The following KRT24 variants were observed in gnomAD, a reference collection of about 807,000 sequenced individuals.
KRT24 encodes the protein keratin 24.
In KRT24, 44 loss-of-function variants were observed where a neutral mutation model predicts 51.7. The ratio of observed to expected loss-of-function variants is 0.85; its 90% confidence interval spans 0.67 to 1.09. The LOEUF is 1.09. KRT24 is among the 50% of genes least tolerant of loss of function. The pLI is 0.00. For missense variants in KRT24, 633 were observed against 647.0 expected, an observed-to-expected ratio of 0.98 and a Z score of 0.24; for synonymous variants, 241 against 249.5, an observed-to-expected ratio of 0.97 and a Z score of 0.32.
Position 40,700,272 on chromosome 17 carries a change from C to T in KRT24, c.967G>A (p.Glu323Lys), listed in dbSNP as rs1335613968. ...TCTCGGCGGTTTTGCTCAGCCAGCTCCTCGTACTGCGCCCTCATGTCATTC... is the reference window on the plus strand; with the variant it reads ...TCTCGGCGGTTTTGCTCAGCCAGCTTCTCGTACTGCGCCCTCATGTCATTC... ...LLNDMRAQYEELAEQNRREAE... is the reference protein window; with the variant it reads ...LLNDMRAQYEKLAEQNRREAE... The change falls in exon 4 of 8, where the codon GAG (glutamate) becomes AAG (lysine). Residue 323 changes from glutamate to lysine, a missense_variant. Transcript: ENST00000264651. 1.9e-6 allele frequency: 3 copies of T among 1,614,140 alleles called. No homozygotes were observed. The highest frequency in any genetic ancestry group is 2.2e-5 in the East Asian group (1 of 44,884).
At chr17:40,701,355 G>C in intron 2 of KRT24, 59 bp from the exon 3 acceptor site, 1 of 1,450,330 alleles carries the variant, frequency 6.9e-7, no homozygotes. Flanking sequence ...GTGTTTCAAA[G>C]GGTACCTTCC....
chr17:40,703,045 C>A, intron 1 of KRT24, 34 bp downstream of exon 1: 1 of 1,528,450 alleles, frequency 6.5e-7, no homozygotes, highest in Non-Finnish European at 8.8e-7. Context: ...GAAAGATCCA[C>A]AAATAATAGA....
intron 2 of KRT24, 128 bp downstream of exon 2, chr17:40,701,723 G>GTGTATATATA (rs2037679716): frequency 2.6e-5 from 1 of 38,126 alleles, no homozygotes; most frequent in Non-Finnish European, 6.4e-5. Context: ...TGATCCTCTA[G>GTGTATATATA]TATATATATA....
At position 40,699,538 on chromosome 17, in the gene KRT24, A is replaced by G. The variant is rs1030734855; in HGVS notation, c.1267T>C (p.Cys423Arg). The G allele has an allele frequency of 4.3e-6, 7 of 1,613,878 alleles. No individual in the cohort carries two copies. Among genetic ancestry groups the G allele is most frequent in the Admixed American group, 1.7e-5 (1 of 60,004 alleles). ...EICQIWGETK[C>R]QNAEYKQLLD... is the part of the protein sequence containing the mutation. The stretch of plus-strand genomic sequence containing the variant: ...AATTGCTTGTACTCTGCGTTCTGGC[A>G]TTTAGTCTCACCCCAGATCTGGCAG... Residue 423 changes from cysteine to arginine, a missense_variant, in exon 6 of 8, where the codon TGC (cysteine) becomes CGC (arginine). Cys to Arg is a radical substitution (Grantham distance 180). Coordinates refer to ENST00000264651, the MANE Select transcript of KRT24 (RefSeq NM_019016.3).
In KRT24 at chr17:40,703,586, C is replaced by A. The variant is rs1440055757; in HGVS notation, c.108G>T (p.Gly36=). 2.5e-6 allele frequency: 4 copies of A among 1,613,156 alleles called. No individual in the cohort carries two copies. The Admixed American group carries it at 5.0e-5, about 20-fold the overall frequency. The change falls in exon 1 of 8, where the codon GGG becomes GGT. Residue 36 remains glycine (G), a synonymous_variant. Transcript: ENST00000264651. ...SFSSGSRCGL[G]GSSAQGFRGG... ...CTCGGAAGCCCTGGGCCGAGCTGCCCCCCAGACCACATCTGCTTCCACTGC... is the reference window on the plus strand; with the variant it reads ...CTCGGAAGCCCTGGGCCGAGCTGCCACCCAGACCACATCTGCTTCCACTGC...
At chr17:40,701,529 C>T (rs751218461) in intron 2 of KRT24, among the ~76,000 whole-genome samples, 19 of 151,326 alleles carry the variant, frequency 1.3e-4, no homozygotes, top group Non-Finnish European at 2.5e-4. Flanking sequence ...CTAAATTTGC[C>T]TCTTTCTTTT....
chr17:40,700,133 A>G lies in KRT24; in HGVS notation c.1018-10T>C. The G allele has an allele frequency of 6.2e-7, 1 of 1,614,150 alleles. No homozygotes were observed. The highest frequency in any genetic ancestry group is 8.5e-7 in the Non-Finnish European group (1 of 1,180,022). On this transcript the variant is annotated splice_polypyrimidine_tract_variant and intron_variant, in intron 4 of 7. Transcript: ENST00000264651. ...CTTGTAGTGATGCGCTCTAAATACAAACATAATGCAGCTGTTGTAGGCTGA... is the reference window on the plus strand; with the variant it reads ...CTTGTAGTGATGCGCTCTAAATACAGACATAATGCAGCTGTTGTAGGCTGA...
intron 7 of KRT24, 58 bp downstream of exon 7, chr17:40,698,480 C>T: frequency 8.4e-7 from 1 of 1,196,514 alleles, no homozygotes; most frequent in Non-Finnish European, 1.2e-6. Context: ...GTATGACAAG[C>T]AAAGTATGTC....
chr17:40,700,388 C>T lies in KRT24; in HGVS notation c.856-5G>A. The T allele has an allele frequency of 1.9e-6, 3 of 1,599,484 alleles. No homozygotes were observed. Among genetic ancestry groups the T allele is most frequent in the Non-Finnish European group, 2.6e-6 (3 of 1,172,286 alleles). On this transcript the variant is annotated splice_polypyrimidine_tract_variant and splice_region_variant and intron_variant, in intron 3 of 7. Coordinates refer to ENST00000264651, the MANE Select transcript of KRT24 (RefSeq NM_019016.3). ...TCCTTGCATATTCTTCATTTCCTAG[C>T]ATGAAGGAAAAAAGACTATCGTGAT...
intron 2 of KRT24, 70 bp downstream of exon 2, chr17:40,701,781 T>TATATATA (rs2037685525): frequency 6.9e-6 from 1 of 145,718 alleles, no homozygotes; most frequent in South Asian, 2.0e-4. Flanking sequence ...ATATATATAT[T>TATATATA]TATTTATAAA....
Position 40,703,256 on chromosome 17 carries a change from GTTCTGCATGGTTTGCTT to G in KRT24, c.421_437del (p.Lys141ProfsTer3). 2 of 1,614,054 alleles carry G rather than the reference GTTCTGCATGGTTTGCTT, an allele frequency of 1.2e-6. No homozygotes were observed. The highest frequency in any genetic ancestry group is 1.7e-6 in the Non-Finnish European group (2 of 1,179,990). On this transcript the variant is annotated frameshift_variant, in exon 1 of 8. Coordinates refer to ENST00000264651, the MANE Select transcript of KRT24 (RefSeq NM_019016.3). LOFTEE classifies it high-confidence loss of function. ...GGTAATTGGCCAAGCGGTCATTGAG[GTTCTGCATGGTTTGCTT>G]TTCCCCTCCAGAGAAAAGCCCCCCA...
At position 40,701,158 on chromosome 17, in the gene KRT24, C is replaced by T. The variant is rs988794015; in HGVS notation, c.837G>A (p.Leu279=). ...TTCCTACCTCCTCGTGGTTCTTCCT[C>T]AGGTAGGCTAGCTCCTCGGTGAAAC... ...IESFTEELAY[L]RKNHEEEMKN... is the part of the protein sequence containing the mutation. Residue 279 remains leucine, a synonymous_variant, in exon 3 of 8, where the codon CTG becomes CTA. Coordinates refer to ENST00000264651, the MANE Select transcript of KRT24 (RefSeq NM_019016.3). The T allele has an allele frequency of 3.1e-6, 5 of 1,613,858 alleles. No homozygotes were observed. The highest frequency in any genetic ancestry group is 3.4e-6 in the Non-Finnish European group (4 of 1,179,954).
chr17:40,703,547 G>A lies in KRT24; in HGVS notation c.147C>T (p.Ser49=). The A allele has an allele frequency of 6.3e-7, 1 of 1,596,840 alleles. No homozygotes were observed. Among genetic ancestry groups the A allele is most frequent in the Non-Finnish European group, 8.5e-7 (1 of 1,177,856 alleles). Residue 49 remains serine, a synonymous_variant, in exon 1 of 8, where the codon AGC becomes AGT. Coordinates refer to ENST00000264651, the MANE Select transcript of KRT24 (RefSeq NM_019016.3). ...CGCTAGACCCCCCACTCAGGCTGCA[G>A]CTGCTGGCTCCTCCTCGGAAGCCCT... ...SAQGFRGGAS[S]CSLSGGSSGA...
intron 1 of KRT24, 109 bp downstream of exon 1, chr17:40,702,970 C>G: frequency 3.3e-6 from 4 of 1,194,902 alleles, no homozygotes. Context: ...GCATATGTAA[C>G]AAGCAAATAT....
rs769713317 is a variant in KRT24 at position 40,703,534 on chromosome 17, C to T, written c.160G>A (p.Gly54Arg). 1.9e-6 allele frequency: 3 copies of T among 1,603,348 alleles called. No homozygotes were observed. Among genetic ancestry groups the T allele is most frequent in the African/African-American group, 1.4e-5 (1 of 72,458 alleles). ...RGGASSCSLS[G>R]GSSGAFGGSF... is the part of the protein sequence containing the mutation. ...CCCCCAAAAGCACCGCTAGACCCCC[C>T]ACTCAGGCTGCAGCTGCTGGCTCCT... Residue 54 changes from glycine to arginine, a missense_variant, in exon 1 of 8, where the codon GGG becomes AGG. Physicochemically the swap from Gly to Arg is moderately radical, Grantham distance 125. Coordinates refer to ENST00000264651, the MANE Select transcript of KRT24 (RefSeq NM_019016.3).
rs2037673195 is a variant in KRT24 at position 40,701,217 on chromosome 17, TAGTC to T, written c.774_777del (p.Thr259Ter). 1 of 1,614,084 alleles carries T rather than the reference TAGTC, an allele frequency of 6.2e-7. No individual in the cohort carries two copies. The highest frequency in any genetic ancestry group is 1.3e-5 in the African/African-American group (1 of 75,032). On this transcript the variant is annotated frameshift_variant, in exon 3 of 8. Coordinates refer to ENST00000264651, the MANE Select transcript of KRT24 (RefSeq NM_019016.3). LOFTEE classifies it high-confidence loss of function. ...TGCATCTCCAGGTCAGAGCGGGTCATAGTCAGGTCATCCAGGACTTTCCGCAGGC... is the reference window on the plus strand; with the variant it reads ...TGCATCTCCAGGTCAGAGCGGGTCATAGGTCATCCAGGACTTTCCGCAGGC...
intron 2 of KRT24, 82 bp downstream of exon 2, chr17:40,701,769 A>ATT (rs1567863114): frequency 2.5e-5 from 1 of 39,438 alleles, no homozygotes; most frequent in Non-Finnish European, 4.6e-5. Context: ...ATATATATAT[A>ATT]TATATATATA....
In KRT24 at chr17:40,703,437, C is replaced by T; in HGVS notation, c.257G>A (p.Gly86Glu). 1 of 1,599,432 alleles carries T rather than the reference C, an allele frequency of 6.3e-7. No homozygotes were observed. The highest frequency in any genetic ancestry group is 8.6e-7 in the Non-Finnish European group (1 of 1,167,382). The change falls in exon 1 of 8, where the codon GGA (glycine) becomes GAA (glutamate). Residue 86 changes from glycine to glutamate, a missense_variant. By Grantham distance (98) the Gly-to-Glu change is moderately conservative (BLOSUM62 -2). Coordinates refer to ENST00000264651, the MANE Select transcript of KRT24 (RefSeq NM_019016.3). ...GCCAAAGCTAGAACCCCCACCAAAT[C>T]CTGTCCCAGAGCCTGAAGCTCCCCC... ...GFGGASGSGT[G>E]FGGGSSFGGV...
chr17:40,703,589 C>T lies in KRT24; in HGVS notation c.105G>A (p.Leu35=), dbSNP rs376881856. The T allele has an allele frequency of 4.3e-6, 7 of 1,613,460 alleles. No homozygotes were observed. Among genetic ancestry groups the T allele is most frequent in the Non-Finnish European group, 5.9e-6 (7 of 1,179,814 alleles). The stretch of plus-strand genomic sequence containing the variant: ...GGAAGCCCTGGGCCGAGCTGCCCCC[C>T]AGACCACATCTGCTTCCACTGCTGA... ...SSFSSGSRCG[L]GGSSAQGFRG... The change falls in exon 1 of 8, where the codon CTG becomes CTA. Residue 35 remains leucine, a synonymous_variant. Coordinates refer to ENST00000264651, the MANE Select transcript of KRT24 (RefSeq NM_019016.3).
Sources: allele counts gnomAD v4.1 joint callset (sites outside exome capture counted in the v4.1 genomes callset), GRCh38; gene constraint gnomAD v4.1.1; transcripts MANE v1.5; gene names NCBI Gene and HGNC (gene_info 2026-07-23, HGNC 2026-07-21).